Variants in GXYLT1 observed in about 807,000 individuals in gnomAD.
GXYLT1 encodes the protein glucoside xylosyltransferase 1, also known as glycosyltransferase 8 domain containing 3.
Under a neutral mutation model 54.0 loss-of-function variants are expected in GXYLT1, and 29 were observed. The observed-to-expected ratio is 0.54, with a 90% CI of 0.40 to 0.73. GXYLT1 has a LOEUF of 0.73. GXYLT1 is among the 30% of genes least tolerant of loss of function. GXYLT1 has a pLI of 0.00. For missense variants in GXYLT1, 490 were observed against 553.4 expected (o/e 0.89, Z 1.15); for synonymous variants, 176 against 204.1 (o/e 0.86, Z 1.17).
chr12:42,137,943 C>A (rs144642889), intron 1 of GXYLT1, among the ~76,000 whole-genome samples: 1 of 152,214 alleles, frequency 6.6e-6, no homozygotes, highest in Admixed American at 6.5e-5. Context: ...TCCCATGATA[C>A]TGCCAAATCA....
At chr12:42,091,566 G>A (rs889178826) in intron 7 of GXYLT1, among the ~76,000 whole-genome samples, 3 of 152,044 alleles carry the variant, frequency 2.0e-5, no homozygotes, top group Non-Finnish European at 2.9e-5. Flanking sequence ...TTAAAATACA[G>A]TATTAATTTC....
intron 7 of GXYLT1, among the ~76,000 whole-genome samples, chr12:42,090,228 A>G (rs2065322045): frequency 6.6e-6 from 1 of 152,216 alleles, no homozygotes; most frequent in Non-Finnish European, 1.5e-5. Context: ...GAAGAAGATA[A>G]ATTTCCAAAA....
rs1000890570 is a variant in GXYLT1, at chr12:42,082,284, A to C, written c.*5502T>G. On this transcript the variant is annotated 3_prime_UTR_variant, in exon 8 of 8. Coordinates refer to ENST00000398675, the MANE Select transcript of GXYLT1 (RefSeq NM_173601.2). ...TCTTCTGTTACGGCAACCATCAAAA[A>C]CCATTGGTTCAGCTCTCAAATACTG... 2 of 152,146 alleles carry C rather than the reference A, an allele frequency of 1.3e-5. No individual in the cohort carries two copies. Among genetic ancestry groups the C allele is most frequent in the Non-Finnish European group, 2.9e-5 (2 of 68,018 alleles). The allele number at this position is 152,146 out of a possible 1,614,324, so 9.4% of individuals were successfully genotyped here. A position where few individuals can be genotyped will look rare whatever the true frequency, so the allele number is the denominator to read the frequency against.
In GXYLT1 at chr12:42,142,825, G is replaced by A. The variant is rs147722157; in HGVS notation, c.221+1601C>T. ...GGTTTCTTATGCGCGCAAATGTGGTGACATGCTGTTCTTCATCACATTTTT... is the reference window on the plus strand; with the variant it reads ...GGTTTCTTATGCGCGCAAATGTGGTAACATGCTGTTCTTCATCACATTTTT... On this transcript the variant is annotated intron_variant, in intron 1 of 7. Transcript: ENST00000398675. Among the ~76,000 whole-genome samples, 434 of 152,176 alleles carry A rather than the reference G, an allele frequency of 2.9e-3. 2 individuals are homozygous for A. Among genetic ancestry groups the A allele is most frequent in the African/African-American group, 9.3e-3 (387 of 41,474 alleles).
Position 42,083,114 on chromosome 12 carries a change from C to T in GXYLT1, c.*4672G>A, listed in dbSNP as rs1451146024. On this transcript the variant is annotated 3_prime_UTR_variant, in exon 8 of 8. Coordinates refer to ENST00000398675, the MANE Select transcript of GXYLT1 (RefSeq NM_173601.2). Reference sequence around the variant, plus strand: ...ATTTGCAATCCATTTTAAACTGTTACATCTAATATGCTATTCTGTTTTTCT... The same window carrying T: ...ATTTGCAATCCATTTTAAACTGTTATATCTAATATGCTATTCTGTTTTTCT... 1 of 152,102 alleles carries T rather than the reference C, an allele frequency of 6.6e-6. No individual in the cohort carries two copies. Among genetic ancestry groups the T allele is most frequent in the Non-Finnish European group, 1.5e-5 (1 of 68,014 alleles). The allele number at this position is 152,102 out of a possible 1,614,324, so 9.4% of individuals were successfully genotyped here. A position where few individuals can be genotyped will look rare whatever the true frequency, so the allele number is the denominator to read the frequency against.
rs2065257214 is a variant in GXYLT1, at chr12:42,082,063, T to A, written c.*5723A>T. 6.6e-6 allele frequency: 1 copy of A among 152,190 alleles called. No homozygotes were observed. Among genetic ancestry groups the A allele is most frequent in the Non-Finnish European group, 1.5e-5 (1 of 68,034 alleles). 9.4% of individuals were successfully genotyped at this position (152,190 alleles called of 1,614,324 possible). On this transcript the variant is annotated 3_prime_UTR_variant, in exon 8 of 8. Transcript: ENST00000398675. ...AAAATATTCACAGTATACCAAAACA[T>A]TTTAAGATAAAGAGCAGTGTAAGAG...
At chr12:42,133,009 G>A (rs867523318) in intron 1 of GXYLT1, among the ~76,000 whole-genome samples, 6 of 152,086 alleles carry the variant, frequency 3.9e-5, no homozygotes, top group Non-Finnish European at 8.8e-5. Context: ...TCTGCTGCAC[G>A]CAGTGGTTCA....
chr12:42,104,525 A>C (rs1360663267), intron 5 of GXYLT1, among the ~76,000 whole-genome samples: 2 of 149,172 alleles, frequency 1.3e-5, no homozygotes, highest in African/African-American at 2.5e-5. Flanking sequence ...AATTTAAATC[A>C]GAATTTTAAA....
intron 2 of GXYLT1, among the ~76,000 whole-genome samples, chr12:42,127,678 T>C (rs770955955): frequency 1.2e-4 from 18 of 152,208 alleles, no homozygotes; most frequent in Non-Finnish European, 2.6e-4. Context: ...CTGGGTTGTA[T>C]AAATCAGAGT....
intron 2 of GXYLT1, among the ~76,000 whole-genome samples, chr12:42,129,208 A>G (rs1454703886): frequency 6.6e-6 from 1 of 152,202 alleles, no homozygotes; most frequent in Non-Finnish European, 1.5e-5. Context: ...CATTATCCAG[A>G]GAAGTGAATA....
Position 42,082,353 on chromosome 12 carries a change from C to T in GXYLT1, c.*5433G>A, listed in dbSNP as rs1244953388. ...CATGCGTGCTCTGCTAAGTTTTGAACAGATAACATATTCTACAGCAATGCT... is the reference window on the plus strand; with the variant it reads ...CATGCGTGCTCTGCTAAGTTTTGAATAGATAACATATTCTACAGCAATGCT... On this transcript the variant is annotated 3_prime_UTR_variant, in exon 8 of 8. Coordinates refer to ENST00000398675, the MANE Select transcript of GXYLT1 (RefSeq NM_173601.2). 6.6e-6 allele frequency: 1 copy of T among 152,156 alleles called. No homozygotes were observed. The highest frequency in any genetic ancestry group is 1.5e-5 in the Non-Finnish European group (1 of 68,044). The allele number at this position is 152,156 out of a possible 1,614,324, so 9.4% of individuals were successfully genotyped here.
intron 7 of GXYLT1, among the ~76,000 whole-genome samples, chr12:42,095,521 G>C (rs945146396): frequency 2.0e-5 from 3 of 151,934 alleles, no homozygotes; most frequent in African/African-American, 7.2e-5. Context: ...GCTACCTTTT[G>C]TGTAAGAAAA....
intron 2 of GXYLT1, among the ~76,000 whole-genome samples, chr12:42,125,767 C>G (rs549660160): frequency 2.8e-4 from 43 of 152,268 alleles, no homozygotes; most frequent in African/African-American, 1.0e-3. Context: ...GTAATCCCAG[C>G]ACTTTGGGAA....
chr12:42,109,597 T>A lies in GXYLT1; in HGVS notation c.581A>T (p.Lys194Ile). ...ENAAEWKKLF[K>I]PCASQRLFLP... ...GAACAATCTCTGCGAAGCACATGGT[T>A]TAAAGAGTTTTTTCCACTCTGCTGC... The change falls in exon 4 of 8, where the codon AAA (lysine) becomes ATA (isoleucine). Residue 194 changes from lysine (K) to isoleucine (I), a missense_variant. Physicochemically the swap from Lys to Ile is moderately radical, Grantham distance 102. Coordinates refer to ENST00000398675, the MANE Select transcript of GXYLT1 (RefSeq NM_173601.2). The A allele has an allele frequency of 6.3e-7, 1 of 1,594,498 alleles. No homozygotes were observed. Among genetic ancestry groups the A allele is most frequent in the Non-Finnish European group, 8.5e-7 (1 of 1,171,904 alleles).
intron 3 of GXYLT1, among the ~76,000 whole-genome samples, chr12:42,111,855 A>T (rs2065458726): frequency 6.6e-6 from 1 of 152,220 alleles, no homozygotes; most frequent in African/African-American, 2.4e-5. Context: ...GGGGTCCCTG[A>T]ACCCTGAGTA....
Position 42,144,693 on chromosome 12 carries a change from G to T in GXYLT1, c.-47C>A, listed in dbSNP as rs753208506. 9.1e-6 allele frequency: 10 copies of T among 1,104,708 alleles called. No homozygotes were observed. The highest frequency in any genetic ancestry group is 1.2e-5 in the Non-Finnish European group (10 of 817,654). 68.4% of individuals were successfully genotyped at this position (1,104,708 alleles called of 1,614,324 possible). A position where few individuals can be genotyped will look rare whatever the true frequency, so the allele number is the denominator to read the frequency against. ...TCGCCGCCGCCGCCGCGCCCGCCCC[G>T]ACGAACTGGAGCGGAGGGAGGGGCA... On this transcript the variant is annotated 5_prime_UTR_variant, in exon 1 of 8. Coordinates refer to ENST00000398675, the MANE Select transcript of GXYLT1 (RefSeq NM_173601.2).
chr12:42,111,619 G>A (rs889364561), intron 3 of GXYLT1, among the ~76,000 whole-genome samples: 4 of 152,354 alleles, frequency 2.6e-5, no homozygotes, highest in Admixed American at 6.5e-5. Flanking sequence ...TGTTTGATTA[G>A]GTAAACAAAG....
intron 1 of GXYLT1, among the ~76,000 whole-genome samples, chr12:42,138,282 CAAAT>C (rs200653907): frequency 2.8e-4 from 42 of 152,094 alleles, no homozygotes; most frequent in Non-Finnish European, 4.1e-4. Context: ...GACTGCGTCT[CAAAT>C]AAATAAATAA....
intron 2 of GXYLT1, among the ~76,000 whole-genome samples, chr12:42,122,236 G>A (rs183924658): frequency 6.6e-6 from 1 of 152,320 alleles, no homozygotes; most frequent in East Asian, 1.9e-4. Flanking sequence ...CATGGTTAAA[G>A]CTGGCATAAC....
Sources: gnomAD v4.1 joint callset for allele counts (sites outside exome capture counted in the v4.1 genomes callset) on GRCh38, gnomAD v4.1.1 for gene constraint, MANE v1.5 for transcripts, NCBI Gene and HGNC (gene_info 2026-07-23, HGNC 2026-07-21) for gene names.